CFAP299: variants seen among roughly 807,000 people sequenced by gnomAD.
The protein encoded by CFAP299 is cilia and flagella associated protein 299, also known as cilia- and flagella-associated protein 299.
CFAP299 carries 21 observed loss-of-function variants against 27.0 expected under a neutral mutation model. That is an observed-to-expected ratio of 0.78 (90% CI 0.55 to 1.12). CFAP299 has a LOEUF of 1.12. Ranked by LOEUF, CFAP299 falls within the 50% of genes most tolerant of loss-of-function variation. The pLI is 0.00. For synonymous variants in CFAP299, 104 were observed against 98.1 expected, an observed-to-expected ratio of 1.06 and a Z score of -0.36; for missense variants, 310 against 276.6, an observed-to-expected ratio of 1.12 and a Z score of -0.86.
chr4:80,800,073 AAAT>A (rs1728325748), intron 3 of CFAP299, among the ~76,000 whole-genome samples: 1 of 69,322 alleles, frequency 1.4e-5, no homozygotes, highest in Non-Finnish European at 2.4e-5. Context: ...TATATTATAT[AAAT>A]AAAATATAAA....
intron 3 of CFAP299, among the ~76,000 whole-genome samples, chr4:80,825,348 T>C (rs1242959073): frequency 6.6e-6 from 1 of 151,904 alleles, no homozygotes; most frequent in Non-Finnish European, 1.5e-5. Flanking sequence ...AACAGATTAT[T>C]TGAAAAAACA....
At chr4:80,697,445 A>G in intron 3 of CFAP299, among the ~76,000 whole-genome samples, 1 of 152,224 alleles carries the variant, frequency 6.6e-6, no homozygotes, top group Non-Finnish European at 1.5e-5. Flanking sequence ...CACCTCTTCT[A>G]GTCAGATACT....
At chr4:80,758,761 C>CA (rs1379731338) in intron 3 of CFAP299, among the ~76,000 whole-genome samples, 1 of 151,982 alleles carries the variant, frequency 6.6e-6, no homozygotes, top group African/African-American at 2.4e-5. Context: ...CATTTGATGG[C>CA]AAAAAATGCA....
At chr4:80,494,165 G>A (rs973159656) in intron 2 of CFAP299, among the ~76,000 whole-genome samples, 2 of 152,030 alleles carry the variant, frequency 1.3e-5, no homozygotes, top group African/African-American at 2.4e-5. Context: ...GAATCAGCTG[G>A]TTCCTGTCCA....
At chr4:80,896,649 GT>G (rs1335918358) in intron 4 of CFAP299, among the ~76,000 whole-genome samples, 2 of 152,088 alleles carry the variant, frequency 1.3e-5, no homozygotes, top group African/African-American at 4.8e-5. Context: ...TTGAATGATA[GT>G]TTTTCTCTGC....
chr4:80,861,435 C>G lies in CFAP299; in HGVS notation c.334-8558C>G, dbSNP rs546605672. On this transcript the variant is annotated intron_variant, in intron 3 of 5. Transcript: ENST00000358105. ...GAACCCACTGACCTGTGCCCACTGTCTGGCACTCCCTAGTGAGATGAACCC... is the reference window on the plus strand; with the variant it reads ...GAACCCACTGACCTGTGCCCACTGTGTGGCACTCCCTAGTGAGATGAACCC... 5.3e-5 allele frequency among the ~76,000 whole-genome samples: 8 copies of G among 152,300 alleles called. No individual in the cohort carries two copies. In the South Asian group the frequency reaches 1.7e-3, roughly 32 times the overall value.
At chr4:80,675,196 G>A (rs1164398763) in intron 3 of CFAP299, among the ~76,000 whole-genome samples, 3 of 152,178 alleles carry the variant, frequency 2.0e-5, no homozygotes. Context: ...GATGCCTACA[G>A]ATGGGGTTTT....
chr4:80,670,584 A>C (rs1011204618), intron 3 of CFAP299, among the ~76,000 whole-genome samples: 2 of 152,184 alleles, frequency 1.3e-5, no homozygotes, highest in Non-Finnish European at 2.9e-5. Flanking sequence ...ACAATGGTTG[A>C]ACTAGTGTAC....
chr4:80,737,021 G>A (rs966932422), intron 3 of CFAP299, among the ~76,000 whole-genome samples: 2 of 152,132 alleles, frequency 1.3e-5, no homozygotes, highest in African/African-American at 4.8e-5. Context: ...TAGGGACATG[G>A]ATGAAATTGG....
chr4:80,676,404 A>G (rs1719457850), intron 3 of CFAP299, among the ~76,000 whole-genome samples: 2 of 152,160 alleles, frequency 1.3e-5, no homozygotes, highest in South Asian at 4.1e-4. Flanking sequence ...ATCAATGATA[A>G]TGGCCTGTAG....
chr4:80,923,203 AGGT>A (rs1307612556), intron 4 of CFAP299, among the ~76,000 whole-genome samples: 1 of 152,006 alleles, frequency 6.6e-6, no homozygotes, highest in East Asian at 1.9e-4. Context: ...GAAGAGGAGG[AGGT>A]TACTAATACT....
chr4:80,374,862 CAT>C (rs1390397521), intron 2 of CFAP299, among the ~76,000 whole-genome samples: 1 of 152,078 alleles, frequency 6.6e-6, no homozygotes, highest in African/African-American at 2.4e-5. Context: ...CAGCTTAAAA[CAT>C]ATGAATCTTT....
At chr4:80,617,942 C>G (rs1409542914) in intron 3 of CFAP299, among the ~76,000 whole-genome samples, 1 of 152,002 alleles carries the variant, frequency 6.6e-6, no homozygotes, top group Non-Finnish European at 1.5e-5. Context: ...TACGTAGGGT[C>G]ATGTTTTCTT....
At chr4:80,439,217 T>A (rs1469982555) in intron 2 of CFAP299, among the ~76,000 whole-genome samples, 1 of 152,206 alleles carries the variant, frequency 6.6e-6, no homozygotes, top group Non-Finnish European at 1.5e-5. Flanking sequence ...GAATCTTTAG[T>A]TTGTTGCTTA....
chr4:80,845,059 A>G (rs1731096468), intron 3 of CFAP299, among the ~76,000 whole-genome samples: 2 of 152,116 alleles, frequency 1.3e-5, no homozygotes, highest in Admixed American at 1.3e-4. Context: ...AAGATCAGAT[A>G]GTTGTAGATA....
chr4:80,548,053 C>T (rs1734327919), intron 2 of CFAP299, among the ~76,000 whole-genome samples: 1 of 152,112 alleles, frequency 6.6e-6, no homozygotes. Flanking sequence ...ATAAATTGTT[C>T]TATCAAAAAG....
chr4:80,405,973 A>G (rs1443358836), intron 2 of CFAP299, among the ~76,000 whole-genome samples: 1 of 152,174 alleles, frequency 6.6e-6, no homozygotes, highest in Non-Finnish European at 1.5e-5. Context: ...TAGCTCATAG[A>G]AAATGATAGC....
chr4:80,381,258 T>G (rs1490750992), intron 2 of CFAP299, among the ~76,000 whole-genome samples: 1 of 152,220 alleles, frequency 6.6e-6, no homozygotes, highest in Non-Finnish European at 1.5e-5. Context: ...AATACCATAT[T>G]TTTGGCCCTA....
rs753964988 is a variant in CFAP299 at position 80,963,602 on chromosome 4, G to A, written c.692G>A (p.Arg231Lys). ...QAVIFDHISR[R>K]KT ...GTCATTTTTGACCACATTTCCAGAA[G>A]GAAGACTTAAGTACCAACATGTTAA... The change falls in exon 6 of 6, where the codon AGG becomes AAG. Residue 231 changes from arginine to lysine, a missense_variant. Physicochemically the swap from Arg to Lys is conservative, Grantham distance 26. Coordinates refer to ENST00000358105, the MANE Select transcript of CFAP299 (RefSeq NM_152770.3). 2.5e-6 allele frequency: 4 copies of A among 1,593,092 alleles called. No homozygotes were observed. Among genetic ancestry groups the A allele is most frequent in the South Asian group, 2.2e-5 (2 of 89,596 alleles).
Sources: gnomAD v4.1 joint callset for allele counts (sites outside exome capture counted in the v4.1 genomes callset) on GRCh38, gnomAD v4.1.1 for gene constraint, MANE v1.5 for transcripts, NCBI Gene and HGNC (gene_info 2026-07-23, HGNC 2026-07-21) for gene names.